Variants in ARHGAP25 observed in about 807,000 individuals in gnomAD.
ARHGAP25 encodes rho GTPase-activating protein 25.
In ARHGAP25, 34 loss-of-function variants were observed where a neutral mutation model predicts 71.0. That is an observed-to-expected ratio of 0.48 (90% confidence interval 0.36 to 0.64). The LOEUF (loss-of-function observed/expected upper bound fraction) is 0.64, where lower values mean the gene tolerates loss of function less well. ARHGAP25 is among the 30% of genes least tolerant of loss of function. The probability of loss-of-function intolerance (pLI) is 0.00; values close to 1 mark genes in which losing one functional copy is unlikely to be tolerated. For synonymous variants in ARHGAP25, 282 were observed against 296.5 expected, an observed-to-expected ratio of 0.95 and a Z score of 0.50; for missense variants, 706 against 805.1, an observed-to-expected ratio of 0.88 and a Z score of 1.49.
intron 4 of ARHGAP25, among the ~76,000 whole-genome samples, chr2:68,791,704 T>C (rs1679185934): frequency 6.6e-6 from 1 of 152,120 alleles, no homozygotes; most frequent in Non-Finnish European, 1.5e-5. Flanking sequence ...TAGAAGTTAC[T>C]CTGGTGACAA....
intron 3 of ARHGAP25, among the ~76,000 whole-genome samples, chr2:68,782,892 G>T (rs145633925): frequency 6.6e-5 from 10 of 152,346 alleles, no homozygotes; most frequent in African/African-American, 2.4e-4. Flanking sequence ...TCCTGGATCT[G>T]CCACACTGAG....
chr2:68,809,839 TG>T (rs1436516327), intron 5 of ARHGAP25, among the ~76,000 whole-genome samples: 1 of 152,174 alleles, frequency 6.6e-6, no homozygotes, highest in Non-Finnish European at 1.5e-5. Context: ...GCAAAGTTGC[TG>T]TTTGGTGAGA....
intron 1 of ARHGAP25, among the ~76,000 whole-genome samples, chr2:68,753,819 T>A (rs1676321619): frequency 6.6e-6 from 1 of 152,088 alleles, no homozygotes; most frequent in South Asian, 2.1e-4. Flanking sequence ...CAGGAGGAGG[T>A]GAGAATGTCA....
chr2:68,820,292 T>C (rs1298763232), intron 9 of ARHGAP25, among the ~76,000 whole-genome samples: 7 of 152,360 alleles, frequency 4.6e-5, no homozygotes, highest in South Asian at 2.1e-4. Context: ...AAATTTACAC[T>C]GATCACCTCT....
chr2:68,756,008 A>G (rs1044627628), intron 1 of ARHGAP25, among the ~76,000 whole-genome samples: 1 of 152,252 alleles, frequency 6.6e-6, no homozygotes, highest in African/African-American at 2.4e-5. Flanking sequence ...TTATGTGTAC[A>G]TGGCAGAATC....
At chr2:68,810,109 C>T (rs1254875779) in intron 5 of ARHGAP25, among the ~76,000 whole-genome samples, 1 of 141,378 alleles carries the variant, frequency 7.1e-6, no homozygotes, top group African/African-American at 2.6e-5. Context: ...TGGCTCCTGA[C>T]TTACTCTTAG....
chr2:68,738,047 A>G (rs930443177), intron 1 of ARHGAP25, among the ~76,000 whole-genome samples: 5 of 152,208 alleles, frequency 3.3e-5, no homozygotes, highest in African/African-American at 1.2e-4. Context: ...AATCTGACCT[A>G]TTGATCCTGG....
chr2:68,770,012 A>C (rs4854511), intron 1 of ARHGAP25, among the ~76,000 whole-genome samples: 53,083 of 152,028 alleles, frequency 0.35, 9,467 homozygotes, highest in South Asian at 0.45. Flanking sequence ...ATTCTGTTTG[A>C]GAAGGCTCAC....
chr2:68,747,307 C>G (rs1675892533), intron 1 of ARHGAP25, among the ~76,000 whole-genome samples: 1 of 152,176 alleles, frequency 6.6e-6, no homozygotes, highest in African/African-American at 2.4e-5. Context: ...AATGAAGTGT[C>G]CCAAGCAGGA....
intron 2 of ARHGAP25, among the ~76,000 whole-genome samples, chr2:68,718,807 T>A (rs1321832113): frequency 6.6e-6 from 1 of 152,208 alleles, no homozygotes; most frequent in Non-Finnish European, 1.5e-5. Flanking sequence ...TTTATTCAAA[T>A]GAAACAACTC....
intron 2 of ARHGAP25, among the ~76,000 whole-genome samples, chr2:68,722,318 C>T (rs980347863): frequency 2.6e-5 from 4 of 152,220 alleles, no homozygotes; most frequent in African/African-American, 9.7e-5. Flanking sequence ...TGGCTCACAT[C>T]TGTAATCCCA....
At chr2:68,732,141 G>A (rs1318932816), upstream of ARHGAP25, among the ~76,000 whole-genome samples, 5 of 152,190 alleles carry the variant, frequency 3.3e-5, no homozygotes, top group Non-Finnish European at 4.4e-5. Flanking sequence ...GAGAGGGAGC[G>A]CAGTACCCAG....
chr2:68,712,665 C>G (rs939258322), intron 2 of ARHGAP25, among the ~76,000 whole-genome samples: 2 of 152,024 alleles, frequency 1.3e-5, no homozygotes, highest in African/African-American at 4.8e-5. Flanking sequence ...GTTTTTAATC[C>G]ATCTTGAGTT....
chr2:68,785,494 G>C, intron 3 of ARHGAP25, among the ~76,000 whole-genome samples: 1 of 152,098 alleles, frequency 6.6e-6, no homozygotes, highest in East Asian at 1.9e-4. Flanking sequence ...CTAAACAATG[G>C]AAAAGATGGA....
intron 4 of ARHGAP25, among the ~76,000 whole-genome samples, chr2:68,793,988 C>T (rs1679371380): frequency 2.0e-5 from 3 of 152,106 alleles, no homozygotes; most frequent in South Asian, 4.1e-4. Flanking sequence ...TCTTTCATCT[C>T]CTTGGTTAAA....
chr2:68,729,432 G>A (rs1674957141), intron 2 of ARHGAP25, among the ~76,000 whole-genome samples: 1 of 152,146 alleles, frequency 6.6e-6, no homozygotes, highest in Non-Finnish European at 1.5e-5. Flanking sequence ...GAGCCAGTGG[G>A]CTGCAAATCA....
At chr2:68,808,651 C>A (rs1335704318) in intron 5 of ARHGAP25, among the ~76,000 whole-genome samples, 1 of 152,198 alleles carries the variant, frequency 6.6e-6, no homozygotes, top group Non-Finnish European at 1.5e-5. Context: ...TTCAGCAGCA[C>A]CATAAACTGC....
chr2:68,743,738 T>C (rs1370001923), intron 1 of ARHGAP25, among the ~76,000 whole-genome samples: 1 of 152,132 alleles, frequency 6.6e-6, no homozygotes, highest in Admixed American at 6.5e-5. Context: ...GCACTGATCT[T>C]CTTCCTGTGA....
chr2:68,823,551 A>G (rs1681865047), intron 10 of ARHGAP25, among the ~76,000 whole-genome samples: 1 of 152,114 alleles, frequency 6.6e-6, no homozygotes, highest in Admixed American at 6.5e-5. Context: ...GAGCCATGAG[A>G]AAAGAGCAGT....
Sources: allele counts gnomAD v4.1 joint callset (sites outside exome capture counted in the v4.1 genomes callset), GRCh38; gene constraint gnomAD v4.1.1; transcripts MANE v1.5; gene names NCBI Gene and HGNC (gene_info 2026-07-23, HGNC 2026-07-21).